The following MACROD2 variants were observed in gnomAD, a reference collection of about 807,000 sequenced individuals.
MACROD2 encodes the protein ADP-ribose glycohydrolase MACROD2.
Under a neutral mutation model 70.4 loss-of-function variants are expected in MACROD2, and 36 were observed. The ratio of observed to expected loss-of-function variants is 0.51; its 90% CI spans 0.39 to 0.68. MACROD2 has a LOEUF of 0.68. Ranked by LOEUF, MACROD2 falls within the 30% of genes least tolerant of loss-of-function variation. The pLI is 0.00. For synonymous variants in MACROD2, 172 were observed against 178.8 expected (o/e 0.96, Z 0.30); for missense variants, 496 against 538.4 (o/e 0.92, Z 0.78).
chr20:15,439,971 A>C (rs1368602298), intron 7 of MACROD2, among the ~76,000 whole-genome samples: 1 of 152,098 alleles, frequency 6.6e-6, no homozygotes, highest in Non-Finnish European at 1.5e-5. Flanking sequence ...CCTGATGGAC[A>C]TTTCAGATCT....
At chr20:14,592,301 C>G (rs972304108) in intron 4 of MACROD2, among the ~76,000 whole-genome samples, 2 of 152,094 alleles carry the variant, frequency 1.3e-5, no homozygotes, top group Non-Finnish European at 2.9e-5. Flanking sequence ...AGAAGCAGCT[C>G]AAGGATAGTA....
intron 10 of MACROD2, among the ~76,000 whole-genome samples, chr20:15,926,703 C>A (rs1292174874): frequency 1.3e-5 from 2 of 152,040 alleles, no homozygotes; most frequent in African/African-American, 2.4e-5. Context: ...AGGGGTCAGG[C>A]AATGCAAAGG....
At chr20:15,492,442 T>C (rs1251551711) in intron 7 of MACROD2, among the ~76,000 whole-genome samples, 1 of 152,194 alleles carries the variant, frequency 6.6e-6, no homozygotes, top group East Asian at 1.9e-4. Context: ...ACACAATGCA[T>C]CTCACATTTG....
intron 8 of MACROD2, among the ~76,000 whole-genome samples, chr20:15,555,734 C>T (rs1305103939): frequency 1.4e-5 from 2 of 143,536 alleles, no homozygotes; most frequent in African/African-American, 5.2e-5. Context: ...GAGGCTGAGG[C>T]AGGAGAATTG....
intron 2 of MACROD2, among the ~76,000 whole-genome samples, chr20:14,046,005 A>G (rs1313608038): frequency 2.6e-5 from 4 of 152,346 alleles, no homozygotes; most frequent in African/African-American, 7.2e-5. Flanking sequence ...AGAAGAATAA[A>G]CGTCTAATGT....
chr20:15,501,272 T>C (rs1048809348), intron 8 of MACROD2, among the ~76,000 whole-genome samples: 2 of 152,232 alleles, frequency 1.3e-5, no homozygotes, highest in African/African-American at 4.8e-5. Flanking sequence ...TGAGTGAAAG[T>C]TGATAACTGA....
At chr20:15,903,633 C>T (rs912236143) in intron 10 of MACROD2, among the ~76,000 whole-genome samples, 5 of 152,196 alleles carry the variant, frequency 3.3e-5, no homozygotes, top group Admixed American at 1.3e-4. Flanking sequence ...TGATGCCCTA[C>T]GATGGAGATT....
intron 4 of MACROD2, among the ~76,000 whole-genome samples, chr20:14,589,568 C>T (rs1396216801): frequency 6.6e-6 from 1 of 152,102 alleles, no homozygotes; most frequent in Non-Finnish European, 1.5e-5. Context: ...ACATATGTAG[C>T]TCTAGCCATT....
intron 8 of MACROD2, among the ~76,000 whole-genome samples, chr20:15,778,180 G>C (rs1455684418): frequency 6.6e-6 from 1 of 152,146 alleles, no homozygotes; most frequent in East Asian, 1.9e-4. Context: ...GCTACAAAGT[G>C]CAGTGTCAAA....
intron 13 of MACROD2, among the ~76,000 whole-genome samples, chr20:15,970,744 A>G (rs968145414): frequency 6.6e-6 from 1 of 152,180 alleles, no homozygotes; most frequent in East Asian, 1.9e-4. Context: ...TCAGTCTTCA[A>G]CTGGGTAGGA....
intron 4 of MACROD2, among the ~76,000 whole-genome samples, chr20:14,602,989 A>G (rs1316780116): frequency 6.6e-6 from 1 of 152,182 alleles, no homozygotes; most frequent in Non-Finnish European, 1.5e-5. Context: ...GCATTACCCA[A>G]TTACATCTAG....
intron 6 of MACROD2, among the ~76,000 whole-genome samples, chr20:15,341,762 G>A (rs1318973663): frequency 2.0e-5 from 3 of 152,166 alleles, no homozygotes; most frequent in South Asian, 4.1e-4. Flanking sequence ...TAAAATTAAG[G>A]CATTAAGACT....
intron 5 of MACROD2, among the ~76,000 whole-genome samples, chr20:14,932,381 C>G (rs565259945): frequency 6.6e-5 from 10 of 152,264 alleles, no homozygotes; most frequent in Non-Finnish European, 1.5e-4. Flanking sequence ...CATTACCCAG[C>G]TCCTTTGACC....
At position 14,449,234 on chromosome 20, in the gene MACROD2, T is replaced by C. The variant is rs1443777909; in HGVS notation, c.272-44245T>C. Among the ~76,000 whole-genome samples the C allele has an allele frequency of 1.3e-5, 2 of 152,132 alleles. 1 individual carries two copies. The highest frequency in any genetic ancestry group is 4.8e-5 in the African/African-American group (2 of 41,380). Reference sequence around the variant, plus strand: ...TTTTCTGCATCACAATTGAAAAAGTTGCTCTTAAACCAGAGAAATGAATAG... The same window carrying C: ...TTTTCTGCATCACAATTGAAAAAGTCGCTCTTAAACCAGAGAAATGAATAG... On this transcript the variant is annotated intron_variant, in intron 3 of 17. Coordinates refer to ENST00000684519, the MANE Select transcript of MACROD2 (RefSeq NM_001351661.2).
At position 15,140,048 on chromosome 20, in the gene MACROD2, A is replaced by G. The variant is rs143693849; in HGVS notation, c.419-89892A>G. ...TTTGGTAACTAGGTGGGATGGTTGT[A>G]TAGAAAAATGTGGGTGGGAATGACC... On this transcript the variant is annotated intron_variant, in intron 5 of 17. Coordinates refer to ENST00000684519, the MANE Select transcript of MACROD2 (RefSeq NM_001351661.2). Among the ~76,000 whole-genome samples the G allele has an allele frequency of 6.2e-3, 952 of 152,332 alleles. 7 individuals carry two copies. Among genetic ancestry groups the G allele is most frequent in the Middle Eastern group, 0.031 (9 of 294 alleles).
intron 3 of MACROD2, among the ~76,000 whole-genome samples, chr20:14,390,001 A>G (rs1411246107): frequency 2.0e-5 from 3 of 152,228 alleles, no homozygotes; most frequent in South Asian, 2.1e-4. Context: ...CAAAAGCATC[A>G]TAGTCTTAGC....
chr20:14,146,980 T>A (rs1569179339), intron 3 of MACROD2, among the ~76,000 whole-genome samples: 1 of 152,044 alleles, frequency 6.6e-6, no homozygotes, highest in African/African-American at 2.4e-5. Context: ...CCTAGGTGAG[T>A]CTAAGCTTGA....
intron 3 of MACROD2, among the ~76,000 whole-genome samples, chr20:14,433,175 T>C (rs1433369605): frequency 6.6e-6 from 1 of 152,104 alleles, no homozygotes; most frequent in East Asian, 1.9e-4. Flanking sequence ...GAGGAAATTG[T>C]CATTTTATGG....
chr20:14,930,766 T>TAAAAAAA lies in MACROD2; in HGVS notation c.418+245825_418+245831dup, dbSNP rs11474347. On this transcript the variant is annotated intron_variant, in intron 5 of 17. Coordinates refer to ENST00000684519, the MANE Select transcript of MACROD2 (RefSeq NM_001351661.2). ...TGGGAAACATAGGGAGAGCGTGTCT[T>TAAAAAAA]AAAAAAAAAAAAAAAAAAAAAAAAG... Among the ~76,000 whole-genome samples the TAAAAAAA allele has an allele frequency of 5.3e-4, 38 of 71,642 alleles. 1 individual carries two copies. Among genetic ancestry groups the TAAAAAAA allele is most frequent in the African/African-American group, 1.4e-3 (27 of 18,940 alleles). The allele number at this position is 71,642 out of a possible 152,430, so 47.0% of individuals were successfully genotyped here. A position where few individuals can be genotyped will look rare whatever the true frequency, so the allele number is the denominator to read the frequency against.
Sources: allele counts gnomAD v4.1 joint callset (sites outside exome capture counted in the v4.1 genomes callset), GRCh38; gene constraint gnomAD v4.1.1; transcripts MANE v1.5; gene names NCBI Gene and HGNC (gene_info 2026-07-23, HGNC 2026-07-21).